The following PCDHGA3 variants were observed in gnomAD, a reference collection of about 807,000 sequenced individuals.
PCDHGA3 encodes protocadherin gamma subfamily A, 3.
PCDHGA3 carries 40 observed loss-of-function variants against 58.5 expected under a neutral mutation model. The observed-to-expected ratio is 0.68, with a 90% CI of 0.53 to 0.89. The LOEUF (loss-of-function observed/expected upper bound fraction) is 0.89, where lower values mean the gene tolerates loss of function less well. Ranked by LOEUF, PCDHGA3 falls within the 40% of genes least tolerant of loss-of-function variation. PCDHGA3 has a pLI of 0.00. For synonymous variants in PCDHGA3, 530 were observed against 525.7 expected, an observed-to-expected ratio of 1.01 and a Z score of -0.11; for missense variants, 1,223 against 1,195.9, an observed-to-expected ratio of 1.02 and a Z score of -0.33.
chr5:141,374,291 G>C, intron 1 of PCDHGA3: 1 of 1,613,976 alleles, frequency 6.2e-7, no homozygotes. Context: ...CGTCTCCAGA[G>C]GTAGGATGCA....
chr5:141,414,855 C>T (rs2095795912), intron 1 of PCDHGA3: 3 of 1,614,236 alleles, frequency 1.9e-6, no homozygotes, highest in Non-Finnish European at 2.5e-6. Flanking sequence ...TGGACCAGAA[C>T]GACAATGCGC....
At chr5:141,355,770 G>A in intron 1 of PCDHGA3, 1 of 1,613,888 alleles carries the variant, frequency 6.2e-7, no homozygotes. Context: ...ATGGGATTAA[G>A]TACCCAGAGC....
At chr5:141,357,171 C>G (rs1043830490) in intron 1 of PCDHGA3, 1 of 1,613,704 alleles carries the variant, frequency 6.2e-7, no homozygotes, top group East Asian at 2.2e-5. Flanking sequence ...TCTCGGCCAC[C>G]GTCACACTCA....
chr5:141,354,529 C>T (rs578033792), intron 1 of PCDHGA3, among the ~76,000 whole-genome samples: 24 of 152,282 alleles, frequency 1.6e-4, no homozygotes, highest in African/African-American at 5.3e-4. Context: ...AAGCATTGCC[C>T]CAGGTTCTAG....
In PCDHGA3 at chr5:141,344,158, G is replaced by T. The variant is rs761148064; in HGVS notation, c.125G>T (p.Gly42Val). 2.5e-6 allele frequency: 4 copies of T among 1,614,030 alleles called. No individual in the cohort carries two copies. In the Admixed American group the frequency reaches 5.0e-5, roughly 20 times the overall value. Reference protein sequence around the residue: ...RYSVSEELDKGSFVGNIANDL... With the variant: ...RYSVSEELDKVSFVGNIANDL... ...TCGGTGTCTGAGGAGCTAGATAAAG[G>T]TTCCTTCGTGGGCAACATCGCTAAC... The change falls in exon 1 of 4, where the codon GGT (glycine) becomes GTT (valine). Residue 42 changes from glycine (G) to valine (V), a missense_variant. Physicochemically the swap from Gly to Val is moderately radical, Grantham distance 109 (BLOSUM62 -3). This residue lies in a region of PCDHGA3 where 791 missense variants were observed against 708.5 expected (regional missense o/e 1.12). Transcript: ENST00000253812.
At chr5:141,394,364 G>A (rs1293513120) in intron 1 of PCDHGA3, 1 of 1,614,186 alleles carries the variant, frequency 6.2e-7, no homozygotes. Flanking sequence ...TGTATGCGCT[G>A]CAATCTTTCG....
chr5:141,426,559 C>T (rs1401963895), intron 1 of PCDHGA3: 1 of 353,038 alleles, frequency 2.8e-6, no homozygotes, highest in Non-Finnish European at 5.6e-6. Context: ...CAGAATAGAT[C>T]GAGAGTCACT....
At position 141,346,120 on chromosome 5, in the gene PCDHGA3, C is replaced by A. The variant is rs1179519142; in HGVS notation, c.2087C>A (p.Ala696Glu). Residue 696 changes from alanine (A) to glutamate (E), a missense_variant, in exon 1 of 4, where the codon GCG becomes GAG. Ala to Glu is a moderately radical substitution (Grantham distance 107). Transcript: ENST00000253812. ...GACCTCACTCTGTACCTGGTGGTGG[C>A]GGTGGCCGCGGTCTCCTGCGTCTTC... Reference protein sequence around the residue: ...DSDLTLYLVVAVAAVSCVFLA... With the variant: ...DSDLTLYLVVEVAAVSCVFLA... 1 of 1,613,932 alleles carries A rather than the reference C, an allele frequency of 6.2e-7. No homozygotes were observed. Among genetic ancestry groups the A allele is most frequent in the East Asian group, 2.2e-5 (1 of 44,874 alleles).
intron 1 of PCDHGA3, chr5:141,408,193 C>T (rs1280310689): frequency 6.5e-7 from 1 of 1,545,210 alleles, no homozygotes; most frequent in Non-Finnish European, 8.7e-7. Flanking sequence ...AGCGAGAACC[C>T]GAGCGAACGA....
rs144695545 is a variant in PCDHGA3, at chr5:141,487,156, C to G, written c.2425-7651C>G. ...CACCACTCTCTACCTCTGTTACTCT[C>G]TTAGTGTCCTTAGAGGAAGACACTC... On this transcript the variant is annotated intron_variant, in intron 1 of 3. Transcript: ENST00000253812. This position sits in a 1 kb window ranked among gnomAD's most constrained non-coding sequence, Gnocchi z 5.0. 105 of 1,613,896 alleles carry G rather than the reference C, an allele frequency of 6.5e-5. No homozygotes were observed. In the African/African-American group the frequency reaches 1.2e-3, roughly 18 times the overall value.
Position 141,385,179 on chromosome 5 carries a change from C to T in PCDHGA3, c.2424+38722C>T, listed in dbSNP as rs1270655942. The T allele has an allele frequency of 7.4e-6, 12 of 1,614,194 alleles. No homozygotes were observed. In the South Asian group the frequency reaches 1.2e-4, roughly 16 times the overall value. On this transcript the variant is annotated intron_variant, in intron 1 of 3. Transcript: ENST00000253812. ...CCTATTCCCATGAGGTCTCCCTCAC[C>T]GCGGACTCTCGGAAGAGTCACCTGA...
rs754537015 is a variant in PCDHGA3 at position 141,431,184 on chromosome 5, T to C, written c.2425-63623T>C. The C allele has an allele frequency of 2.5e-6, 4 of 1,614,090 alleles. No individual in the cohort carries two copies. In the South Asian group the frequency reaches 3.3e-5, roughly 13 times the overall value. ...CGTGAAAGTGAATTAGAAATAAAAATTAGTGAAAATGCAGCCACTGAGATG... is the reference window on the plus strand; with the variant it reads ...CGTGAAAGTGAATTAGAAATAAAAACTAGTGAAAATGCAGCCACTGAGATG... On this transcript the variant is annotated intron_variant, in intron 1 of 3. Coordinates refer to ENST00000253812, the MANE Select transcript of PCDHGA3 (RefSeq NM_018916.4). This position sits in a 1 kb window ranked among gnomAD's most constrained non-coding sequence, Gnocchi z 4.8.
chr5:141,392,810 A>C (rs772526220), intron 1 of PCDHGA3: 1 of 1,580,390 alleles, frequency 6.3e-7, no homozygotes, highest in South Asian at 1.2e-5. Flanking sequence ...GCAGCAAAAC[A>C]ACAATGGCCG....
intron 1 of PCDHGA3, chr5:141,375,637 C>G (rs1331644453): frequency 1.2e-6 from 2 of 1,614,238 alleles, no homozygotes; most frequent in South Asian, 2.2e-5. Context: ...ACGCCCTGCG[C>G]TCCTTCGACT....
intron 1 of PCDHGA3, chr5:141,388,238 C>T (rs546808390): frequency 4.8e-5 from 77 of 1,607,582 alleles, no homozygotes; most frequent in Non-Finnish European, 6.4e-5. Flanking sequence ...ACTTTTATCA[C>T]GTGAATGTGG....
At chr5:141,394,789 C>A (rs747304715) in intron 1 of PCDHGA3, 1 of 1,613,728 alleles carries the variant, frequency 6.2e-7, no homozygotes, top group South Asian at 1.1e-5. Context: ...GCCACTGTCA[C>A]GCTCACCGTA....
intron 1 of PCDHGA3, chr5:141,410,555 C>T (rs768561351): frequency 1.9e-6 from 3 of 1,613,084 alleles, no homozygotes; most frequent in Middle Eastern, 1.6e-4. Context: ...CAGTGTTTCT[C>T]CTGGAGCCTT....
intron 1 of PCDHGA3, chr5:141,428,255 G>A (rs2097128504): frequency 1.1e-6 from 1 of 875,462 alleles, no homozygotes; most frequent in Non-Finnish European, 1.8e-6. Context: ...CCAGACTTCA[G>A]TGACAGTCCT....
At chr5:141,384,961 G>A (rs774549251) in intron 1 of PCDHGA3, 1 of 1,614,096 alleles carries the variant, frequency 6.2e-7, no homozygotes, top group South Asian at 1.1e-5. Context: ...TTACAACTAT[G>A]ACCTCACGTT....
Sources: allele counts gnomAD v4.1 joint callset (sites outside exome capture counted in the v4.1 genomes callset), GRCh38; gene constraint gnomAD v4.1.1; regional missense constraint gnomAD v4.1.1; non-coding constraint Gnocchi (gnomAD v3.1); transcripts MANE v1.5; gene names NCBI Gene and HGNC (gene_info 2026-07-23, HGNC 2026-07-21).